The following LRRC4C variants were observed in gnomAD, a reference collection of about 807,000 sequenced individuals.
LRRC4C encodes leucine rich repeat containing 4C.
In LRRC4C, 5 loss-of-function variants were observed where a neutral mutation model predicts 33.6. The ratio of observed to expected loss-of-function variants is 0.15; its 90% CI spans 0.08 to 0.31. The LOEUF is 0.31. LRRC4C is among the 10% of genes least tolerant of loss of function. The probability of loss-of-function intolerance (pLI) is 1.00; values close to 1 mark genes in which losing one functional copy is unlikely to be tolerated. For synonymous variants in LRRC4C, 329 were observed against 302.0 expected (o/e 1.09, Z -0.93); for missense variants, 560 against 796.7 (o/e 0.70, Z 3.58).
chr11:41,245,367 G>C (rs182477709), intron 1 of LRRC4C, among the ~76,000 whole-genome samples: 19 of 152,192 alleles, frequency 1.2e-4, no homozygotes, highest in Non-Finnish European at 2.1e-4. Context: ...ACAGCGAGGG[G>C]TGTGTAAGTG....
At chr11:40,520,064 C>T (rs187514585) in intron 3 of LRRC4C, among the ~76,000 whole-genome samples, 1 of 152,282 alleles carries the variant, frequency 6.6e-6, no homozygotes, top group South Asian at 2.1e-4. Flanking sequence ...GCAACTAAGT[C>T]GAAGCCAATG....
At chr11:40,811,413 T>G (rs1166467477) in intron 2 of LRRC4C, among the ~76,000 whole-genome samples, 1 of 152,184 alleles carries the variant, frequency 6.6e-6, no homozygotes, top group Non-Finnish European at 1.5e-5. Context: ...TTATGTATCC[T>G]GTTCACAGCT....
At chr11:41,395,894 A>G (rs1176574294) in intron 1 of LRRC4C, among the ~76,000 whole-genome samples, 2 of 152,090 alleles carry the variant, frequency 1.3e-5, no homozygotes, top group African/African-American at 4.8e-5. Flanking sequence ...AACTAAAAGT[A>G]GTTTATTTTT....
chr11:41,428,937 T>C (rs1267639191), intron 1 of LRRC4C, among the ~76,000 whole-genome samples: 1 of 152,096 alleles, frequency 6.6e-6, no homozygotes, highest in Non-Finnish European at 1.5e-5. Flanking sequence ...AGGTAAAACA[T>C]CTACACAGAG....
intron 2 of LRRC4C, among the ~76,000 whole-genome samples, chr11:40,832,571 T>C (rs1432471116): frequency 6.6e-6 from 1 of 152,140 alleles, no homozygotes. Flanking sequence ...ACTTCAGTCT[T>C]AGTTAATGAT....
rs547210793 is a variant in LRRC4C, at chr11:41,156,848, G to A, written c.-495-223125C>T. The stretch of plus-strand genomic sequence containing the variant: ...TATCTGGCAGTGCTATGGTTTGGAT[G>A]TTTTTGTCCCCTTTAAAACTCATGC... On this transcript the variant is annotated intron_variant, in intron 1 of 6. Coordinates refer to ENST00000528697, the MANE Select transcript of LRRC4C (RefSeq NM_001258419.2). Among the ~76,000 whole-genome samples, 4 of 152,146 alleles carry A rather than the reference G, an allele frequency of 2.6e-5. No individual in the cohort carries two copies. The South Asian group carries it at 8.3e-4, about 32-fold the overall frequency.
intron 2 of LRRC4C, among the ~76,000 whole-genome samples, chr11:40,674,774 A>G (rs1944313165): frequency 6.6e-6 from 1 of 152,210 alleles, no homozygotes; most frequent in South Asian, 2.1e-4. Context: ...CATAGAGCTT[A>G]TATTTTGTAG....
In LRRC4C at chr11:40,259,725, T is replaced by C. The variant is rs963226214; in HGVS notation, c.-175-18127A>G. Among the ~76,000 whole-genome samples, 7 of 152,122 alleles carry C rather than the reference T, an allele frequency of 4.6e-5. No individual in the cohort carries two copies. The East Asian group carries it at 7.7e-4, about 17-fold the overall frequency. ...TTGTCAAAGATCAGATAGTTGTAGA[T>C]ATGCGGCGTTATTTCTGAGGGCTCT... On this transcript the variant is annotated intron_variant, in intron 4 of 6. Transcript: ENST00000528697.
intron 1 of LRRC4C, among the ~76,000 whole-genome samples, chr11:41,233,808 A>G (rs1182255500): frequency 1.4e-4 from 21 of 152,018 alleles, no homozygotes; most frequent in Admixed American, 1.3e-3. Context: ...AGGGGAAAAA[A>G]ATTGTGAAAT....
chr11:40,484,959 G>C (rs1953778957), intron 3 of LRRC4C, among the ~76,000 whole-genome samples: 1 of 152,032 alleles, frequency 6.6e-6, no homozygotes. Flanking sequence ...GAAATGACAT[G>C]CAAGTTTGCT....
chr11:40,457,161 T>A (rs77357765), intron 3 of LRRC4C, among the ~76,000 whole-genome samples: 4,179 of 150,712 alleles, frequency 0.028, 107 homozygotes, highest in African/African-American at 0.067. Flanking sequence ...CAATTTTTTT[T>A]AAAAAAAAGA....
intron 2 of LRRC4C, among the ~76,000 whole-genome samples, chr11:40,872,904 T>A (rs921517693): frequency 6.6e-6 from 1 of 152,188 alleles, no homozygotes; most frequent in African/African-American, 2.4e-5. Flanking sequence ...TACCAGTTGT[T>A]AAAAACAAGA....
At chr11:40,836,027 T>A (rs1952653779) in intron 2 of LRRC4C, among the ~76,000 whole-genome samples, 1 of 152,210 alleles carries the variant, frequency 6.6e-6, no homozygotes, top group South Asian at 2.1e-4. Context: ...CACAACTTAA[T>A]TCCAGTCACT....
intron 3 of LRRC4C, among the ~76,000 whole-genome samples, chr11:40,501,391 G>A (rs1004183245): frequency 9.9e-5 from 15 of 152,210 alleles, no homozygotes; most frequent in South Asian, 4.2e-4. Flanking sequence ...TTTCCCTTCC[G>A]CACTGCCCTA....
At chr11:40,152,878 G>A (rs1023072587) in intron 5 of LRRC4C, among the ~76,000 whole-genome samples, 6 of 152,030 alleles carry the variant, frequency 3.9e-5, no homozygotes, top group African/African-American at 1.4e-4. Context: ...ATGACAAAGG[G>A]CATATTATAT....
intron 2 of LRRC4C, among the ~76,000 whole-genome samples, chr11:40,912,377 G>T (rs1212528076): frequency 6.6e-6 from 1 of 152,206 alleles, no homozygotes; most frequent in African/African-American, 2.4e-5. Flanking sequence ...CCAGAAGAAA[G>T]TTGGGGCCAA....
chr11:40,660,684 C>T (rs1392624142), intron 2 of LRRC4C, among the ~76,000 whole-genome samples: 1 of 152,126 alleles, frequency 6.6e-6, no homozygotes, highest in Non-Finnish European at 1.5e-5. Flanking sequence ...CACTGACACC[C>T]CCACAGGACT....
intron 4 of LRRC4C, among the ~76,000 whole-genome samples, chr11:40,299,123 G>A (rs1944652587): frequency 6.6e-6 from 1 of 152,202 alleles, no homozygotes; most frequent in Admixed American, 6.5e-5. Context: ...AAGGTCCTTA[G>A]TGATTACTGG....
At chr11:41,085,977 C>T (rs903222309) in intron 1 of LRRC4C, among the ~76,000 whole-genome samples, 8 of 148,738 alleles carry the variant, frequency 5.4e-5, no homozygotes, top group African/African-American at 2.0e-4. Context: ...AAACTGAATC[C>T]TTCCACCCAT....
Sources: gnomAD v4.1 joint callset for allele counts (sites outside exome capture counted in the v4.1 genomes callset) on GRCh38, gnomAD v4.1.1 for gene constraint, MANE v1.5 for transcripts, NCBI Gene and HGNC (gene_info 2026-07-23, HGNC 2026-07-21) for gene names.